LRIT1: variants seen among roughly 807,000 people sequenced by gnomAD.
LRIT1 encodes the protein leucine-rich repeat, immunoglobulin-like domain and transmembrane domain-containing protein 1.
A neutral mutation model predicts 24.0 loss-of-function variants in LRIT1; 23 were observed. The ratio of observed to expected loss-of-function variants is 0.96; its 90% CI spans 0.69 to 1.36. The LOEUF (loss-of-function observed/expected upper bound fraction) is 1.36, where lower values mean the gene tolerates loss of function less well. Among genes scored for constraint, LRIT1 ranks in the 40% most tolerant of loss-of-function variants. The pLI, the probability that LRIT1 is intolerant of heterozygous loss-of-function variation, is 0.00. For missense variants in LRIT1, 846 were observed against 806.3 expected, an observed-to-expected ratio of 1.05 and a Z score of -0.60; for synonymous variants, 361 against 340.5, an observed-to-expected ratio of 1.06 and a Z score of -0.66.
chr10:84,233,820 G>C (rs1042828506), intron 3 of LRIT1, among the ~76,000 whole-genome samples: 4 of 152,272 alleles, frequency 2.6e-5, no homozygotes, highest in East Asian at 1.9e-4. Flanking sequence ...GTTCTCTCAG[G>C]GTGGGCCCCA....
rs2132863388 is a variant in LRIT1, at chr10:84,234,273, C to T, written c.695G>A (p.Cys232Tyr). 6.2e-7 allele frequency: 1 copy of T among 1,613,646 alleles called. No homozygotes were observed. Among genetic ancestry groups the T allele is most frequent in the Non-Finnish European group, 8.5e-7 (1 of 1,179,778 alleles). ...NLAFIETELR[C>Y]ASPRSLAGVA... ...TCCGGCCAGGCTACGTGGGCTGGCA[C>T]ATCTCAGTTCAGTCTCAATGAAGGC... is the stretch of plus-strand genomic sequence containing the variant. Residue 232 changes from cysteine to tyrosine, a missense_variant, in exon 3 of 4, where the codon TGT (cysteine) becomes TAT (tyrosine). Coordinates refer to ENST00000372105, the MANE Select transcript of LRIT1 (RefSeq NM_015613.3).
At chr10:84,239,504 AAGAC>A (rs1842676473) in intron 1 of LRIT1, among the ~76,000 whole-genome samples, 2 of 152,220 alleles carry the variant, frequency 1.3e-5, no homozygotes, top group Non-Finnish European at 2.9e-5. Flanking sequence ...AGGTGAGAGA[AAGAC>A]AGGTGATTGG....
chr10:84,238,440 G>A (rs1395590751), intron 1 of LRIT1, among the ~76,000 whole-genome samples: 3 of 151,964 alleles, frequency 2.0e-5, no homozygotes, highest in South Asian at 4.1e-4. Context: ...AATATACCAA[G>A]GACATCAAAA....
At chr10:84,233,016 A>C in intron 3 of LRIT1, 113 bp from the exon 4 acceptor site, 1 of 1,171,988 alleles carries the variant, frequency 8.5e-7, no homozygotes, top group East Asian at 2.5e-5. Flanking sequence ...TCATCGTAAG[A>C]AAACACTGGC....
intron 2 of LRIT1, among the ~76,000 whole-genome samples, chr10:84,235,121 T>C (rs1842637482): frequency 6.6e-6 from 1 of 152,218 alleles, no homozygotes; most frequent in Admixed American, 6.5e-5. Flanking sequence ...ACACTTGATA[T>C]GATGTTCTTT....
At position 84,241,498 on chromosome 10, in the gene LRIT1, C is replaced by A; in HGVS notation, c.-59G>T. ...CTGTCCCTGGACCGCTCCGTCCCACCGGCCCAGCAAGCTCAGCAGCTGCCC... is the reference window on the plus strand; with the variant it reads ...CTGTCCCTGGACCGCTCCGTCCCACAGGCCCAGCAAGCTCAGCAGCTGCCC... On this transcript the variant is annotated 5_prime_UTR_variant, in exon 1 of 4. Transcript: ENST00000372105. 2.9e-6 allele frequency: 3 copies of A among 1,017,678 alleles called. No individual in the cohort carries two copies. The highest frequency in any genetic ancestry group is 3.8e-6 in the Non-Finnish European group (3 of 786,316). The allele number at this position is 1,017,678 out of a possible 1,614,324, so 63.0% of individuals were successfully genotyped here.
At chr10:84,236,569 T>C (rs1842649082) in intron 2 of LRIT1, among the ~76,000 whole-genome samples, 3 of 152,188 alleles carry the variant, frequency 2.0e-5, no homozygotes, top group Admixed American at 1.3e-4. Flanking sequence ...TATGACAAAA[T>C]TTTATGTAAA....
chr10:84,235,267 T>G (rs1842638724), intron 2 of LRIT1, among the ~76,000 whole-genome samples: 3 of 152,196 alleles, frequency 2.0e-5, no homozygotes, highest in Non-Finnish European at 4.4e-5. Flanking sequence ...TATTCATGTC[T>G]CTCAGGTCTC....
Position 84,232,952 on chromosome 10 carries a change from C to G in LRIT1, c.896-49G>C, listed in dbSNP as rs773476134. On this transcript the variant is annotated intron_variant, in intron 3 of 3. Coordinates refer to ENST00000372105, the MANE Select transcript of LRIT1 (RefSeq NM_015613.3). Reference sequence around the variant, plus strand: ...GGGAGAACGAATGGGCCCATCTGCCCCAAGCTGCCTTTCAGGGCCAAGTTC... The same window carrying G: ...GGGAGAACGAATGGGCCCATCTGCCGCAAGCTGCCTTTCAGGGCCAAGTTC... The G allele has an allele frequency of 5.1e-6, 8 of 1,566,332 alleles. No individual in the cohort carries two copies. In the Admixed American group the frequency reaches 1.2e-4, roughly 24 times the overall value.
rs1842605750 is a variant in LRIT1 at position 84,232,256 on chromosome 10, T to C, written c.1543A>G (p.Thr515Ala). ...PRKEQCVIFSTNEVVDAENTQ... is the reference protein window; with the variant it reads ...PRKEQCVIFSANEVVDAENTQ... The stretch of plus-strand genomic sequence containing the variant: ...TTCTCAGCATCCACCACTTCATTGG[T>C]GGAGAAAATAACACACTGCTCCTTC... Residue 515 changes from threonine to alanine, a missense_variant, in exon 4 of 4, where the codon ACC (threonine) becomes GCC (alanine). Physicochemically the swap from Thr to Ala is moderately conservative, Grantham distance 58. Transcript: ENST00000372105. 1.2e-6 allele frequency: 2 copies of C among 1,613,946 alleles called. No individual in the cohort carries two copies. The highest frequency in any genetic ancestry group is 1.1e-5 in the South Asian group (1 of 91,086).
rs1413897771 is a variant in LRIT1 at position 84,231,746 on chromosome 10, T to C, written c.*181A>G. 5 of 624,308 alleles carry C rather than the reference T, an allele frequency of 8.0e-6. No individual in the cohort carries two copies. The East Asian group carries it at 1.4e-4, about 17-fold the overall frequency. 38.7% of individuals were successfully genotyped at this position (624,308 alleles called of 1,614,324 possible). ...AGCACTTAGAACACTTTCTAGTCTG[T>C]AGTAAGTGCTTAACAAGTGTTAGCG... On this transcript the variant is annotated 3_prime_UTR_variant, in exon 4 of 4. Transcript: ENST00000372105.
In LRIT1 at chr10:84,237,352, A is replaced by G. The variant is rs761012227; in HGVS notation, c.457T>C (p.Phe153Leu). 5.8e-6 allele frequency: 9 copies of G among 1,550,254 alleles called. No individual in the cohort carries two copies. The highest frequency in any genetic ancestry group is 7.8e-6 in the Non-Finnish European group (9 of 1,146,876). ...LSAVPAEAAR[F>L]LENLTFLDLS... ...TCGAGGAAGGTGAGGTTCTCCAGGAAGCGCGCGGCCTCAGCGGGCACAGCC... is the reference window on the plus strand; with the variant it reads ...TCGAGGAAGGTGAGGTTCTCCAGGAGGCGCGCGGCCTCAGCGGGCACAGCC... Residue 153 changes from phenylalanine to leucine, a missense_variant, in exon 2 of 4, where the codon TTC becomes CTC. Coordinates refer to ENST00000372105, the MANE Select transcript of LRIT1 (RefSeq NM_015613.3).
chr10:84,233,452 C>T (rs1295087618), intron 3 of LRIT1, among the ~76,000 whole-genome samples: 1 of 151,782 alleles, frequency 6.6e-6, no homozygotes, highest in Non-Finnish European at 1.5e-5. Flanking sequence ...GGGTGTGAGC[C>T]CCCAGCCAAC....
chr10:84,239,043 C>T (rs1214179645), intron 1 of LRIT1, among the ~76,000 whole-genome samples: 1 of 152,194 alleles, frequency 6.6e-6, no homozygotes, highest in Non-Finnish European at 1.5e-5. Flanking sequence ...ATATCACCAG[C>T]ATCCCTCAGC....
intron 2 of LRIT1, among the ~76,000 whole-genome samples, chr10:84,236,674 T>C (rs779923685): frequency 6.6e-6 from 1 of 152,224 alleles, no homozygotes; most frequent in African/African-American, 2.4e-5. Flanking sequence ...GGAGCTTGCA[T>C]ATAAATATGA....
chr10:84,232,191 G>T lies in LRIT1; in HGVS notation c.1608C>A (p.Ala536=). The T allele has an allele frequency of 6.2e-7, 1 of 1,614,202 alleles. No homozygotes were observed. Among genetic ancestry groups the T allele is most frequent in the Non-Finnish European group, 8.5e-7 (1 of 1,180,028 alleles). Reference sequence around the variant, plus strand: ...GCGTGAGAGGCAGGGCAATGACGATGGCCACACTGATCACCACCACATTGA... The same window carrying T: ...GCGTGAGAGGCAGGGCAATGACGATTGCCACACTGATCACCACCACATTGA... ...QLINVVVISV[A]IVIALPLTLL... Residue 536 remains alanine, a synonymous_variant, in exon 4 of 4, where the codon GCC becomes GCA. Transcript: ENST00000372105.
rs377631892 is a variant in LRIT1, at chr10:84,237,366, G to A, written c.443C>T (p.Ala148Val). The change falls in exon 2 of 4, where the codon GCT (alanine) becomes GTT (valine). Residue 148 changes from alanine (A) to valine (V), a missense_variant. Transcript: ENST00000372105. The part of the protein sequence containing the change: ...LQANRLSAVP[A>V]EAARFLENLT... Reference sequence around the variant, plus strand: ...GTTCTCCAGGAAGCGCGCGGCCTCAGCGGGCACAGCCGAGAGGCGGTTGGC... The same window carrying A: ...GTTCTCCAGGAAGCGCGCGGCCTCAACGGGCACAGCCGAGAGGCGGTTGGC... The A allele has an allele frequency of 1.3e-4, 204 of 1,549,774 alleles. No individual in the cohort carries two copies. Among genetic ancestry groups the A allele is most frequent in the Admixed American group, 5.5e-4 (28 of 50,994 alleles).
At chr10:84,233,805 T>A (rs891447153) in intron 3 of LRIT1, among the ~76,000 whole-genome samples, 1 of 152,248 alleles carries the variant, frequency 6.6e-6, no homozygotes, top group Admixed American at 6.5e-5. Context: ...AAAAGTCAGC[T>A]TTTTGTTCTC....
intron 2 of LRIT1, among the ~76,000 whole-genome samples, chr10:84,235,889 G>C (rs897768934): frequency 6.6e-5 from 10 of 151,824 alleles, no homozygotes; most frequent in East Asian, 2.0e-4. Flanking sequence ...GGGGTTACAG[G>C]TGTGAGCCCC....
Sources: gnomAD v4.1 joint callset for allele counts (sites outside exome capture counted in the v4.1 genomes callset) on GRCh38, gnomAD v4.1.1 for gene constraint, MANE v1.5 for transcripts, NCBI Gene and HGNC (gene_info 2026-07-23, HGNC 2026-07-21) for gene names.